Variants in CACNA1G observed in about 807,000 individuals in gnomAD.
CACNA1G encodes the protein voltage-dependent T-type calcium channel subunit alpha-1G.
CACNA1G carries 67 observed loss-of-function variants against 219.4 expected under a neutral mutation model. The observed-to-expected ratio is 0.31, with a 90% CI of 0.25 to 0.37. The LOEUF is 0.37. Among genes scored for constraint, CACNA1G ranks in the 10% least tolerant of loss-of-function variants. CACNA1G has a pLI of 1.00. For missense variants in CACNA1G, 2,380 were observed against 3,231.4 expected, an observed-to-expected ratio of 0.74 and a Z score of 6.39; for synonymous variants, 1,296 against 1,345.3, an observed-to-expected ratio of 0.96 and a Z score of 0.80.
At chr17:50,622,761 T>C (rs1469350666) in intron 35 of CACNA1G, among the ~76,000 whole-genome samples, 1 of 152,164 alleles carries the variant, frequency 6.6e-6, no homozygotes, top group African/African-American at 2.4e-5. Context: ...AGTACCTCCC[T>C]TCTCTGAAAC....
chr17:50,608,874 C>T (rs1268261983), intron 25 of CACNA1G, among the ~76,000 whole-genome samples: 1 of 152,194 alleles, frequency 6.6e-6, no homozygotes, highest in African/African-American at 2.4e-5. Flanking sequence ...TCCAGGGCTC[C>T]CATCTGCCTG....
Position 50,561,107 on chromosome 17 carries a change from G to C in CACNA1G, c.-353G>C, listed in dbSNP as rs1280541864. On this transcript the variant is annotated 5_prime_UTR_variant, in exon 1 of 38. Transcript: ENST00000359106. ...TGCCCCCCTTTTCGTTCGCCCTCTCGGGGCGGCTTCGCCGAAGGTAGCGCC... is the reference window on the plus strand; with the variant it reads ...TGCCCCCCTTTTCGTTCGCCCTCTCCGGGCGGCTTCGCCGAAGGTAGCGCC... The C allele has an allele frequency of 1.3e-5, 6 of 446,790 alleles. No homozygotes were observed. Among genetic ancestry groups the C allele is most frequent in the Non-Finnish European group, 2.2e-5 (5 of 232,248 alleles). The allele number at this position is 446,790 out of a possible 1,614,324, so 27.7% of individuals were successfully genotyped here.
intron 23 of CACNA1G, 116 bp downstream of exon 23, chr17:50,606,139 C>CA: frequency 7.3e-7 from 1 of 1,368,192 alleles, no homozygotes; most frequent in African/African-American, 1.4e-5. Context: ...GAGATCAGCC[C>CA]TTCACACCCT....
At chr17:50,605,775 C>T (rs1294385019) in intron 22 of CACNA1G, 123 bp from the exon 23 acceptor site, 2 of 1,014,300 alleles carry the variant, frequency 2.0e-6, no homozygotes, top group East Asian at 2.6e-5. Context: ...TGACTGGCCC[C>T]AGAGCAGAGC....
At position 50,599,673 on chromosome 17, in the gene CACNA1G, C is replaced by T; in HGVS notation, c.3504C>T (p.Ala1168=). The T allele has an allele frequency of 6.2e-7, 1 of 1,613,194 alleles. No individual in the cohort carries two copies. Among genetic ancestry groups the T allele is most frequent in the South Asian group, 1.1e-5 (1 of 90,956 alleles). Residue 1168 remains alanine (A), a synonymous_variant, in exon 17 of 38, where the codon GCC becomes GCT. Coordinates refer to ENST00000359106, the MANE Select transcript of CACNA1G (RefSeq NM_018896.5). Reference sequence around the variant, plus strand: ...ACAGGGGGTCCCTGGAGCGGGAGGCCAAGAGTTCCTTTGACCTGCCAGACA... The same window carrying T: ...ACAGGGGGTCCCTGGAGCGGGAGGCTAAGAGTTCCTTTGACCTGCCAGACA... The part of the protein sequence containing the change: ...HRHRGSLERE[A]KSSFDLPDTL...
At position 50,572,864 on chromosome 17, in the gene CACNA1G, C is replaced by A; in HGVS notation, c.1047+10C>A. On this transcript the variant is annotated intron_variant, in intron 6 of 37. Transcript: ENST00000359106. The stretch of plus-strand genomic sequence containing the variant: ...GATCGCCATCTTCCAGGTGGGGCAG[C>A]CTGGGCCCCGGGAGCTTCCCCAGAA... The A allele has an allele frequency of 6.2e-7, 1 of 1,609,364 alleles. No homozygotes were observed. The highest frequency in any genetic ancestry group is 8.5e-7 in the Non-Finnish European group (1 of 1,177,240).
At chr17:50,597,715 G>A (rs1267501850) in intron 16 of CACNA1G, among the ~76,000 whole-genome samples, 1 of 152,098 alleles carries the variant, frequency 6.6e-6, no homozygotes, top group Non-Finnish European at 1.5e-5. Flanking sequence ...ATCATGCTGT[G>A]CAATAAATCT....
intron 1 of CACNA1G, among the ~76,000 whole-genome samples, chr17:50,567,670 C>G (rs1598022648): frequency 6.6e-6 from 1 of 151,596 alleles, no homozygotes; most frequent in African/African-American, 2.4e-5. Flanking sequence ...TTTCCCCAAT[C>G]TCCTGCTCTC....
chr17:50,613,082 G>C (rs1254240458), intron 26 of CACNA1G, among the ~76,000 whole-genome samples: 1 of 152,202 alleles, frequency 6.6e-6, no homozygotes, highest in Non-Finnish European at 1.5e-5. Context: ...GTGTCCTCTG[G>C]GCCAAGGCCT....
At chr17:50,574,957 G>A (rs571485605) in intron 7 of CACNA1G, among the ~76,000 whole-genome samples, 2 of 152,248 alleles carry the variant, frequency 1.3e-5, no homozygotes, top group African/African-American at 4.8e-5. Flanking sequence ...AATGGGGACA[G>A]ACAAGGCCAA....
rs2046466585 is a variant in CACNA1G, at chr17:50,600,807, A to C, written c.3772A>C (p.Ile1258Leu). The change falls in exon 18 of 38, where the codon ATC (isoleucine) becomes CTC (leucine). Residue 1258 changes from isoleucine to leucine, a missense_variant. Around this residue, in one of 17 missense-constraint regions of CACNA1G, gnomAD observed 418 missense variants for 434.3 expected, o/e 0.96. Coordinates refer to ENST00000359106, the MANE Select transcript of CACNA1G (RefSeq NM_018896.5). The surrounding 1 kb of genome is among the most constrained non-coding windows in gnomAD (Gnocchi z 4.1). ...CLERDSWSAY[I>L]FPPQSRFRLL... ...CGAGCGAGACTCCTGGTCAGCCTAC[A>C]TCTTCCCTCCTCAGTCCAGGTAAGT... 1 of 1,613,686 alleles carries C rather than the reference A, an allele frequency of 6.2e-7. No homozygotes were observed. The highest frequency in any genetic ancestry group is 8.5e-7 in the Non-Finnish European group (1 of 1,179,758).
At position 50,591,989 on chromosome 17, in the gene CACNA1G, C is replaced by T. The variant is rs376107413; in HGVS notation, c.2807C>T (p.Thr936Met). 2.5e-6 allele frequency: 4 copies of T among 1,613,828 alleles called. No individual in the cohort carries two copies. The highest frequency in any genetic ancestry group is 1.3e-5 in the African/African-American group (1 of 74,938). ...NKVLYNGMAS[T>M]SSWAALYFIA... ...GTCCTCTACAATGGTATGGCCTCCA[C>T]GTCGTCCTGGGCGGCCCTTTATTTC... Residue 936 changes from threonine (T) to methionine (M), a missense_variant, in exon 13 of 38, where the codon ACG becomes ATG. By Grantham distance (81) the Thr-to-Met change is moderately conservative. Coordinates refer to ENST00000359106, the MANE Select transcript of CACNA1G (RefSeq NM_018896.5).
At chr17:50,623,685 C>G (rs906100599) in intron 35 of CACNA1G, among the ~76,000 whole-genome samples, 1 of 152,148 alleles carries the variant, frequency 6.6e-6, no homozygotes, top group Middle Eastern at 3.4e-3. Flanking sequence ...TCCCGGCTGC[C>G]CAGACCCCCT....
At chr17:50,616,059 C>A (rs534532735) in intron 27 of CACNA1G, among the ~76,000 whole-genome samples, 1 of 152,328 alleles carries the variant, frequency 6.6e-6, no homozygotes, top group South Asian at 2.1e-4. Context: ...GGAGAAAGAT[C>A]CTTTAGCATA....
At chr17:50,616,192 T>G in intron 27 of CACNA1G, 83 bp from the exon 28 acceptor site, 1 of 815,162 alleles carries the variant, frequency 1.2e-6, no homozygotes, top group South Asian at 1.5e-5. Flanking sequence ...CTCTCAGACC[T>G]GGGCGGTATG....
chr17:50,574,560 T>C (rs945193241), intron 7 of CACNA1G, among the ~76,000 whole-genome samples: 1 of 151,722 alleles, frequency 6.6e-6, no homozygotes, highest in African/African-American at 2.4e-5. Flanking sequence ...CTTCTCACCA[T>C]GTGCCCCCCC....
Position 50,624,408 on chromosome 17 carries a change from T to C in CACNA1G, c.6278T>C (p.Leu2093Pro). 2 of 1,453,134 alleles carry C rather than the reference T, an allele frequency of 1.4e-6. No individual in the cohort carries two copies. Among genetic ancestry groups the C allele is most frequent in the African/African-American group, 1.5e-5 (1 of 67,116 alleles). 90.0% of individuals were successfully genotyped at this position (1,453,134 alleles called of 1,614,324 possible). ...CAGCCAGCAGATACCAGCTACATCC[T>C]GCAGCTTCCCAAAGATGCACCTCAT... is the stretch of plus-strand genomic sequence containing the variant. ...HSQPADTSYI[L>P]QLPKDAPHLL... Residue 2093 changes from leucine to proline, a missense_variant, in exon 37 of 38, where the codon CTG becomes CCG. Transcript: ENST00000359106.
chr17:50,626,233 A>T lies in CACNA1G; in HGVS notation c.6616A>T (p.Lys2206Ter). 1 of 1,613,758 alleles carries T rather than the reference A, an allele frequency of 6.2e-7. No homozygotes were observed. Among genetic ancestry groups the T allele is most frequent in the Non-Finnish European group, 8.5e-7 (1 of 1,179,852 alleles). The change falls in exon 38 of 38, where the codon AAG becomes TAG. Residue 2206 changes from lysine to a stop codon, truncating the protein, a stop_gained. Coordinates refer to ENST00000359106, the MANE Select transcript of CACNA1G (RefSeq NM_018896.5). LOFTEE classifies it high-confidence loss of function. The surrounding 1 kb of genome is among the most constrained non-coding windows in gnomAD (Gnocchi z 4.3). ...CCCAGGCCCAGAACCCAACTGGGGCAAGGGCCCTCCAGAGACCAGAAGCAG... is the reference window on the plus strand; with the variant it reads ...CCCAGGCCCAGAACCCAACTGGGGCTAGGGCCCTCCAGAGACCAGAAGCAG... ...PCPGPEPNWG[K>*]GPPETRSSLE...
At chr17:50,624,685 C>A (rs1460847499) in intron 37 of CACNA1G, among the ~76,000 whole-genome samples, 156 bp downstream of exon 37, 1 of 152,238 alleles carries the variant, frequency 6.6e-6, no homozygotes, top group Non-Finnish European at 1.5e-5. Flanking sequence ...CAGTACTGGG[C>A]AAAGCAGAAG....
Sources: gnomAD v4.1 joint callset for allele counts (sites outside exome capture counted in the v4.1 genomes callset) on GRCh38, gnomAD v4.1.1 for gene constraint, gnomAD v4.1.1 regional missense constraint, Gnocchi (gnomAD v3.1) non-coding constraint, MANE v1.5 for transcripts, NCBI Gene and HGNC (gene_info 2026-07-23, HGNC 2026-07-21) for gene names.